Variants in PRKN observed in about 807,000 individuals in gnomAD.
PRKN encodes parkin RBR E3 ubiquitin protein ligase.
PRKN carries 56 observed loss-of-function variants against 59.5 expected under a neutral mutation model. That is an observed-to-expected ratio of 0.94 (90% confidence interval 0.76 to 1.18). PRKN has a LOEUF of 1.18. Among genes scored for constraint, PRKN ranks in the 50% most tolerant of loss-of-function variants. The pLI is 0.00. For synonymous variants in PRKN, 250 were observed against 222.1 expected (o/e 1.13, Z -1.12); for missense variants, 657 against 596.4 (o/e 1.10, Z -1.06).
intron 1 of PRKN, among the ~76,000 whole-genome samples, chr6:162,676,608 C>T (rs557995268): frequency 6.6e-6 from 1 of 152,012 alleles, no homozygotes; most frequent in African/African-American, 2.4e-5. Flanking sequence ...GGAGGCATGA[C>T]CTGTGGTAAA....
At position 161,475,413 on chromosome 6, in the gene PRKN, C is replaced by A. The variant is rs1280067389; in HGVS notation, c.1083+73441G>T. On this transcript the variant is annotated intron_variant, in intron 9 of 11. Coordinates refer to ENST00000366898, the MANE Select transcript of PRKN (RefSeq NM_004562.3). The surrounding 1 kb of genome is among the most constrained non-coding windows in gnomAD (Gnocchi z 5.3). ...GTTTATTGTTCCCAGGTAAACTCAG[C>A]AAAAATGTTCTTTGCACTGGTATTT... 6.6e-6 allele frequency among the ~76,000 whole-genome samples: 1 copy of A among 152,168 alleles called. No individual in the cohort carries two copies. The highest frequency in any genetic ancestry group is 1.5e-5 in the Non-Finnish European group (1 of 68,028).
Position 161,897,897 on chromosome 6 carries a change from G to A in PRKN, c.734+75405C>T, listed in dbSNP as rs545715263. Among the ~76,000 whole-genome samples, 6 of 136,418 alleles carry A rather than the reference G, an allele frequency of 4.4e-5. No individual in the cohort carries two copies. In the East Asian group the frequency reaches 1.3e-3, roughly 30 times the overall value. The allele number at this position is 136,418 out of a possible 152,430, so 89.5% of individuals were successfully genotyped here. Reference sequence around the variant, plus strand: ...CAGGAGAATGGCGTGAACCCGGGAGGCGGAGCTTGCAGTGAGCTGAGATCG... The same window carrying A: ...CAGGAGAATGGCGTGAACCCGGGAGACGGAGCTTGCAGTGAGCTGAGATCG... On this transcript the variant is annotated intron_variant, in intron 6 of 11. Transcript: ENST00000366898.
chr6:162,121,652 G>A (rs1334994521), intron 4 of PRKN, among the ~76,000 whole-genome samples: 1 of 152,160 alleles, frequency 6.6e-6, no homozygotes, highest in African/African-American at 2.4e-5. Context: ...CAGAGGTTCT[G>A]TTGTGGTTAG....
In PRKN at chr6:161,771,385, A is replaced by C. The variant is rs1422919237; in HGVS notation, c.871+14387T>G. On this transcript the variant is annotated intron_variant, in intron 7 of 11. Transcript: ENST00000366898. ...AAAAAAAAAAAATAAAATAAAATAA[A>C]ATAAAATAAAATAAAAGCACTGCTG... Among the ~76,000 whole-genome samples the C allele has an allele frequency of 4.8e-5, 7 of 146,730 alleles. No individual in the cohort carries two copies. The South Asian group carries it at 1.5e-3, about 32-fold the overall frequency.
chr6:161,894,437 A>G (rs535328599), intron 6 of PRKN, among the ~76,000 whole-genome samples: 73 of 152,246 alleles, frequency 4.8e-4, no homozygotes, highest in African/African-American at 1.7e-3. Flanking sequence ...GCAGTTTTCC[A>G]TTCCCTTCTA....
chr6:161,449,448 T>A (rs1212692993), intron 9 of PRKN, among the ~76,000 whole-genome samples: 1 of 152,180 alleles, frequency 6.6e-6, no homozygotes, highest in Non-Finnish European at 1.5e-5. Context: ...GGAAAGGCGA[T>A]TTTATTCAAA....
intron 3 of PRKN, among the ~76,000 whole-genome samples, chr6:162,247,208 A>G (rs1480094686): frequency 6.6e-6 from 1 of 152,190 alleles, no homozygotes; most frequent in African/African-American, 2.4e-5. Flanking sequence ...CTTATTTTGA[A>G]TACAAGTTAT....
At chr6:161,841,192 G>A (rs1296331006) in intron 6 of PRKN, among the ~76,000 whole-genome samples, 1 of 152,176 alleles carries the variant, frequency 6.6e-6, no homozygotes, top group Non-Finnish European at 1.5e-5. Context: ...AGGAACAAAA[G>A]AGAAGGCTCC....
chr6:161,801,546 G>A (rs189974067), intron 6 of PRKN, among the ~76,000 whole-genome samples: 14 of 152,304 alleles, frequency 9.2e-5, no homozygotes, highest in East Asian at 5.8e-4. Flanking sequence ...ACAGTGTCAC[G>A]GTTTCTAAGA....
Position 162,650,390 on chromosome 6 carries a change from G to A in PRKN, c.7+77272C>T, listed in dbSNP as rs553758804. Among the ~76,000 whole-genome samples the A allele has an allele frequency of 5.1e-3, 775 of 151,998 alleles. 2 individuals are homozygous for A. Among genetic ancestry groups the A allele is most frequent in the Non-Finnish European group, 7.3e-3 (497 of 67,960 alleles). ...AGGCGGGCGGATCACGAGGTCAGGA[G>A]ATCGAGACCATCCCGGCTAAAAACG... On this transcript the variant is annotated intron_variant, in intron 1 of 11. Coordinates refer to ENST00000366898, the MANE Select transcript of PRKN (RefSeq NM_004562.3).
chr6:161,355,731 A>C lies in PRKN; in HGVS notation c.1285+4357T>G, dbSNP rs745307668. Among the ~76,000 whole-genome samples the C allele has an allele frequency of 6.6e-6, 1 of 152,270 alleles. No homozygotes were observed. Among genetic ancestry groups the C allele is most frequent in the Middle Eastern group, 3.4e-3 (1 of 292 alleles). On this transcript the variant is annotated intron_variant, in intron 11 of 11. Transcript: ENST00000366898. The surrounding 1 kb of genome is among the most constrained non-coding windows in gnomAD (Gnocchi z 6.8). ...TACAAGCTAAGTTTTAATTCAGCAA[A>C]TATTTTTTGTCCGGGCTCTCTTCTG... is the stretch of plus-strand genomic sequence containing the variant.
At chr6:162,605,994 C>T (rs533115763) in intron 1 of PRKN, among the ~76,000 whole-genome samples, 1 of 152,202 alleles carries the variant, frequency 6.6e-6, no homozygotes, top group East Asian at 1.9e-4. Context: ...TGCAGAGATT[C>T]AAAGTTTATT....
intron 7 of PRKN, among the ~76,000 whole-genome samples, chr6:161,626,551 C>G (rs945619046): frequency 6.6e-6 from 1 of 152,212 alleles, no homozygotes; most frequent in East Asian, 1.9e-4. Flanking sequence ...CGGAGCGTGT[C>G]TGGAGGATGC....
chr6:162,366,000 G>C (rs1324340932), intron 2 of PRKN, among the ~76,000 whole-genome samples: 1 of 152,238 alleles, frequency 6.6e-6, no homozygotes, highest in Admixed American at 6.5e-5. Flanking sequence ...ATGCCTCGAA[G>C]TAAAATTACT....
At chr6:161,738,435 A>AG (rs1788055292) in intron 7 of PRKN, among the ~76,000 whole-genome samples, 1 of 152,198 alleles carries the variant, frequency 6.6e-6, no homozygotes, top group Admixed American at 6.5e-5. Context: ...TAGCTTTTAT[A>AG]AACGTGAAAA....
chr6:161,351,080 TA>T (rs1399808179), intron 11 of PRKN, among the ~76,000 whole-genome samples: 1 of 111,672 alleles, frequency 9.0e-6, no homozygotes, highest in African/African-American at 3.7e-5. Flanking sequence ...AAAATATATA[TA>T]AATATATTTT....
intron 4 of PRKN, among the ~76,000 whole-genome samples, chr6:162,058,660 G>A (rs1407670505): frequency 1.3e-5 from 2 of 152,150 alleles, no homozygotes; most frequent in Non-Finnish European, 2.9e-5. Context: ...AGCCAAGAAG[G>A]AGCACTAATA....
Position 161,633,904 on chromosome 6 carries a change from G to A in PRKN, c.872-64488C>T, listed in dbSNP as rs765814388. Among the ~76,000 whole-genome samples the A allele has an allele frequency of 1.2e-4, 18 of 151,960 alleles. 1 individual carries two copies. Among genetic ancestry groups the A allele is most frequent in the Middle Eastern group, 6.8e-3 (2 of 294 alleles). On this transcript the variant is annotated intron_variant, in intron 7 of 11. Transcript: ENST00000366898. ...CTGTCCAAAATGTCTCCTGTCAGAC[G>A]AATTAAAATGATTATGGGCTAAAGC...
chr6:162,175,303 G>GA (rs1261348277), intron 4 of PRKN, among the ~76,000 whole-genome samples: 1 of 152,178 alleles, frequency 6.6e-6, no homozygotes, highest in Non-Finnish European at 1.5e-5. Context: ...AAAGGGAACA[G>GA]AAAAGAAAAG....
Sources: allele counts gnomAD v4.1 joint callset (sites outside exome capture counted in the v4.1 genomes callset), GRCh38; gene constraint gnomAD v4.1.1; non-coding constraint Gnocchi (gnomAD v3.1); transcripts MANE v1.5; gene names NCBI Gene and HGNC (gene_info 2026-07-23, HGNC 2026-07-21).